PLCZ1: variants seen among roughly 807,000 people sequenced by gnomAD.
The protein encoded by PLCZ1 is phospholipase C zeta 1.
In PLCZ1, 64 loss-of-function variants were observed where a neutral mutation model predicts 76.8. The ratio of observed to expected loss-of-function variants is 0.83; its 90% CI spans 0.68 to 1.03. The LOEUF (loss-of-function observed/expected upper bound fraction) is 1.03, where lower values mean the gene tolerates loss of function less well. Ranked by LOEUF, PLCZ1 falls within the 50% of genes least tolerant of loss-of-function variation. The pLI, the probability that PLCZ1 is intolerant of heterozygous loss-of-function variation, is 0.00. For missense variants in PLCZ1, 751 were observed against 713.7 expected (o/e 1.05, Z -0.60); for synonymous variants, 248 against 230.8 (o/e 1.07, Z -0.68).
downstream of PLCZ1, among the ~76,000 whole-genome samples, chr12:18,680,080 T>C: frequency 6.8e-6 from 1 of 147,332 alleles, no homozygotes; most frequent in South Asian, 2.1e-4. Context: ...CAGTGTGTTA[T>C]TACTTGGAAA....
At chr12:18,728,357 T>C (rs1449866344) in intron 3 of PLCZ1, among the ~76,000 whole-genome samples, 2 of 152,186 alleles carry the variant, frequency 1.3e-5, no homozygotes, top group African/African-American at 4.8e-5. Flanking sequence ...GTGCAACACC[T>C]AATCAGTGTC....
chr12:18,686,105 T>A (rs540290081), intron 13 of PLCZ1, among the ~76,000 whole-genome samples: 5 of 152,172 alleles, frequency 3.3e-5, no homozygotes, highest in Admixed American at 3.3e-4. Flanking sequence ...CGTTGACTTC[T>A]GCGCAGTGTT....
the PLCZ1 span, among the ~76,000 whole-genome samples, chr12:18,666,916 A>G: frequency 6.6e-6 from 1 of 152,186 alleles, no homozygotes; most frequent in Non-Finnish European, 1.5e-5. Context: ...ATTTTTAAAC[A>G]AATTCTCTAG....
intron 4 of PLCZ1, among the ~76,000 whole-genome samples, chr12:18,721,338 A>G (rs1157630144): frequency 6.6e-6 from 1 of 152,124 alleles, no homozygotes; most frequent in East Asian, 1.9e-4. Flanking sequence ...CTATAAGATC[A>G]TAATTCAAAT....
At chr12:18,681,955 G>A (rs75263562), downstream of PLCZ1, among the ~76,000 whole-genome samples, 6 of 152,042 alleles carry the variant, frequency 3.9e-5, no homozygotes, top group Admixed American at 1.3e-4. Flanking sequence ...AGGGTAAAGC[G>A]TTGGGTCAAT....
intron 4 of PLCZ1, among the ~76,000 whole-genome samples, chr12:18,721,224 C>A (rs1041487625): frequency 6.6e-6 from 1 of 151,932 alleles, no homozygotes. Flanking sequence ...TTAAAAACTA[C>A]CAGTTTGAAA....
chr12:18,666,744 T>G, the PLCZ1 span, among the ~76,000 whole-genome samples: 1 of 152,152 alleles, frequency 6.6e-6, no homozygotes, highest in African/African-American at 2.4e-5. Flanking sequence ...CACTCAACAA[T>G]AGCAGAATAC....
the PLCZ1 span, among the ~76,000 whole-genome samples, chr12:18,664,441 A>C: frequency 6.6e-6 from 1 of 152,178 alleles, no homozygotes; most frequent in African/African-American, 2.4e-5. Context: ...TCAGCATTGA[A>C]AGGGAAGGAA....
the PLCZ1 span, among the ~76,000 whole-genome samples, chr12:18,675,246 C>A: frequency 6.6e-6 from 1 of 152,164 alleles, no homozygotes; most frequent in Admixed American, 6.5e-5. Flanking sequence ...GTAAAACCAG[C>A]AAATCAGCTT....
In PLCZ1 at chr12:18,737,414, T is replaced by G. The variant is rs1295091351; in HGVS notation, c.-43A>C. ...AGCCGTTTCTCCTCACTTAGAAGTCTTTCCCCAGTAGGTGCTGTCATGGGT... is the reference window on the plus strand; with the variant it reads ...AGCCGTTTCTCCTCACTTAGAAGTCGTTCCCCAGTAGGTGCTGTCATGGGT... On this transcript the variant is annotated 5_prime_UTR_variant, in exon 2 of 15. Coordinates refer to ENST00000266505, the MANE Select transcript of PLCZ1 (RefSeq NM_033123.4). 1 of 1,613,398 alleles carries G rather than the reference T, an allele frequency of 6.2e-7. No individual in the cohort carries two copies. The highest frequency in any genetic ancestry group is 8.5e-7 in the Non-Finnish European group (1 of 1,179,372).
chr12:18,684,218 C>A lies in PLCZ1; in HGVS notation c.1653G>T (p.Leu551Phe). 1 of 1,611,666 alleles carries A rather than the reference C, an allele frequency of 6.2e-7. No individual in the cohort carries two copies. The highest frequency in any genetic ancestry group is 2.2e-5 in the East Asian group (1 of 44,760). ...TFIIHVPELALIRFVVEGQGL... is the reference protein window; with the variant it reads ...TFIIHVPELAFIRFVVEGQGL... ...CTTGACCTTCAACAACAAAACGTAT[C>A]AATGCCAATTCTGGGACATGAATAA... Residue 551 changes from leucine to phenylalanine, a missense_variant, in exon 14 of 15, where the codon TTG becomes TTT. Physicochemically the swap from Leu to Phe is conservative, Grantham distance 22. Transcript: ENST00000266505.
chr12:18,683,511 C>T, intron 14 of PLCZ1, 187 bp from the exon 15 acceptor site: 6 of 1,505,992 alleles, frequency 4.0e-6, no homozygotes, highest in Non-Finnish European at 5.4e-6. Context: ...TTCTGACTTC[C>T]TAACTGCCCA....
At chr12:18,657,470 G>A in the PLCZ1 span, among the ~76,000 whole-genome samples, 1 of 152,068 alleles carries the variant, frequency 6.6e-6, no homozygotes, top group South Asian at 2.1e-4. Context: ...AGTGTTGAAG[G>A]CATGCCTCAA....
intron 6 of PLCZ1, among the ~76,000 whole-genome samples, chr12:18,710,345 G>T (rs1957151202): frequency 6.6e-6 from 1 of 151,474 alleles, no homozygotes; most frequent in African/African-American, 2.4e-5. Flanking sequence ...CATATAAAGG[G>T]GGAATAGCAA....
intron 9 of PLCZ1, 57 bp downstream of exon 9, chr12:18,701,444 A>C: frequency 6.2e-7 from 1 of 1,609,078 alleles, no homozygotes; most frequent in African/African-American, 1.3e-5. Flanking sequence ...AATCTCCAAG[A>C]ATAAAATTAG....
chr12:18,675,062 C>T, the PLCZ1 span, among the ~76,000 whole-genome samples: 2 of 152,178 alleles, frequency 1.3e-5, no homozygotes, highest in Non-Finnish European at 2.9e-5. Flanking sequence ...ATGGTAGCTA[C>T]TAGCCACTGA....
chr12:18,712,467 G>T (rs1236554737), intron 6 of PLCZ1, among the ~76,000 whole-genome samples: 2 of 152,008 alleles, frequency 1.3e-5, no homozygotes, highest in Non-Finnish European at 2.9e-5. Context: ...ATGCATTGTT[G>T]ATACATTTTA....
chr12:18,736,693 C>A, intron 2 of PLCZ1: 2 of 1,290,280 alleles, frequency 1.6e-6, no homozygotes, highest in Non-Finnish European at 1.0e-6. Flanking sequence ...CGCCTCTCAC[C>A]TGACCTCTCT....
chr12:18,734,749 T>A (rs1959183855), intron 3 of PLCZ1, among the ~76,000 whole-genome samples: 1 of 152,210 alleles, frequency 6.6e-6, no homozygotes, highest in Non-Finnish European at 1.5e-5. Context: ...TTAATTTAAT[T>A]GCCTTTTATT....
Sources: allele counts gnomAD v4.1 joint callset (sites outside exome capture counted in the v4.1 genomes callset), GRCh38; gene constraint gnomAD v4.1.1; transcripts MANE v1.5; gene names NCBI Gene and HGNC (gene_info 2026-07-23, HGNC 2026-07-21).